The following NR2F1-AS1 variants were observed in gnomAD, a reference collection of about 807,000 sequenced individuals.
The protein encoded by NR2F1-AS1 is NR2F1 antisense RNA 1.
chr5:93,491,295 GTGT>G (rs1750843288), intron 4 of NR2F1-AS1, among the ~76,000 whole-genome samples: 1 of 150,694 alleles, frequency 6.6e-6, no homozygotes, highest in Admixed American at 6.6e-5. Context: ...AAGAGTGGTA[GTGT>G]TGGTGGTGGT....
intron 4 of NR2F1-AS1, chr5:93,543,592 G>C (rs2149907346): frequency 6.6e-6 from 1 of 152,248 alleles, no homozygotes; most frequent in South Asian, 2.1e-4. Context: ...GCATGAAATG[G>C]TGAGAAAATC....
At chr5:93,419,983 G>C (rs1159483061) in intron 4 of NR2F1-AS1, among the ~76,000 whole-genome samples, 1 of 152,104 alleles carries the variant, frequency 6.6e-6, no homozygotes, top group African/African-American at 2.4e-5. Context: ...GATCACTTGA[G>C]GTCATGAGTT....
chr5:93,582,950 G>A (rs1408636962), upstream of NR2F1-AS1, among the ~76,000 whole-genome samples: 1 of 143,182 alleles, frequency 7.0e-6, no homozygotes, highest in African/African-American at 2.4e-5. Flanking sequence ...TAGCTAAGCG[G>A]GGGGGGGAGA....
chr5:93,520,872 TA>T (rs1229923444), intron 4 of NR2F1-AS1, among the ~76,000 whole-genome samples: 1 of 152,108 alleles, frequency 6.6e-6, no homozygotes, highest in African/African-American at 2.4e-5. Flanking sequence ...AAATAAGAAT[TA>T]AAATTACAAA....
chr5:93,570,035 C>T (rs143288979), intron 1 of NR2F1-AS1: 1 of 152,154 alleles, frequency 6.6e-6, no homozygotes, highest in Non-Finnish European at 1.5e-5. Context: ...GGGCTGATGG[C>T]GCGGGACATA....
chr5:93,480,158 C>T (rs570062660), intron 4 of NR2F1-AS1, among the ~76,000 whole-genome samples: 1 of 151,988 alleles, frequency 6.6e-6, no homozygotes, highest in Non-Finnish European at 1.5e-5. Flanking sequence ...GCTACACATC[C>T]AGGAATCTCA....
intron 4 of NR2F1-AS1, among the ~76,000 whole-genome samples, chr5:93,546,698 T>C (rs1580321707): frequency 6.6e-6 from 1 of 152,332 alleles, no homozygotes; most frequent in Non-Finnish European, 1.5e-5. Context: ...GCCTAATATA[T>C]TCTTTGATGA....
At chr5:93,475,577 T>C (rs763770966) in intron 4 of NR2F1-AS1, among the ~76,000 whole-genome samples, 2 of 152,234 alleles carry the variant, frequency 1.3e-5, no homozygotes, top group South Asian at 2.1e-4. Flanking sequence ...TATAGTAGGA[T>C]GAACAAGTAT....
In NR2F1-AS1 at chr5:93,525,269, T is replaced by C. The variant is rs573435716; in HGVS notation, n.638+28492A>G. On this transcript the variant is annotated intron_variant and non_coding_transcript_variant, in intron 4 of 5. Coordinates refer to ENST00000660523, the Ensembl canonical transcript of NR2F1-AS1. ...AGATCAAAAAAGACAAAGAAGGGCA[T>C]TACATAATGGTAAAAGAGATCAATG... is the stretch of plus-strand genomic sequence containing the variant. 2.7e-3 allele frequency among the ~76,000 whole-genome samples: 413 copies of C among 152,232 alleles called. 1 individual carries two copies. The highest frequency in any genetic ancestry group is 8.9e-3 in the African/African-American group (371 of 41,530).
At chr5:93,536,851 G>T (rs190945062) in intron 4 of NR2F1-AS1, among the ~76,000 whole-genome samples, 160 of 152,280 alleles carry the variant, frequency 1.1e-3, no homozygotes, top group Non-Finnish European at 1.9e-3. Flanking sequence ...GGACCTGGTG[G>T]GAGATGATTG....
chr5:93,518,077 GT>G (rs1751433155), intron 4 of NR2F1-AS1, among the ~76,000 whole-genome samples: 1 of 152,086 alleles, frequency 6.6e-6, no homozygotes, highest in Non-Finnish European at 1.5e-5. Flanking sequence ...CTAGAGGCAT[GT>G]GCCACTGTGC....
At chr5:93,462,286 A>G (rs1426738863) in intron 4 of NR2F1-AS1, among the ~76,000 whole-genome samples, 5 of 152,046 alleles carry the variant, frequency 3.3e-5, no homozygotes, top group Admixed American at 2.0e-4. Context: ...ACGAGATCTG[A>G]TGGTTTTTAA....
At chr5:93,471,399 C>T (rs1750361392) in intron 4 of NR2F1-AS1, among the ~76,000 whole-genome samples, 1 of 151,736 alleles carries the variant, frequency 6.6e-6, no homozygotes, top group African/African-American at 2.4e-5. Flanking sequence ...GACGTGCATT[C>T]CAACATTATT....
chr5:93,442,319 G>A (rs1749590217), intron 4 of NR2F1-AS1, among the ~76,000 whole-genome samples: 2 of 152,162 alleles, frequency 1.3e-5, no homozygotes, highest in South Asian at 4.1e-4. Context: ...GACGGTACCT[G>A]GAAAATCGGG....
chr5:93,540,534 A>G (rs1205311032), intron 4 of NR2F1-AS1, among the ~76,000 whole-genome samples: 1 of 152,184 alleles, frequency 6.6e-6, no homozygotes, highest in Non-Finnish European at 1.5e-5. Context: ...CTTTTCTGAC[A>G]TTCCAGCACT....
intron 4 of NR2F1-AS1, among the ~76,000 whole-genome samples, chr5:93,462,412 T>C (rs1750116651): frequency 6.6e-6 from 1 of 152,206 alleles, no homozygotes; most frequent in Non-Finnish European, 1.5e-5. Context: ...TGTGAGTCCA[T>C]TAAACTTGTT....
At chr5:93,526,623 C>A (rs543672418) in intron 4 of NR2F1-AS1, among the ~76,000 whole-genome samples, 2 of 152,256 alleles carry the variant, frequency 1.3e-5, no homozygotes, top group African/African-American at 2.4e-5. Context: ...CCGAATCCAG[C>A]AGTACATCAA....
At chr5:93,534,388 A>C (rs1008390608) in intron 4 of NR2F1-AS1, among the ~76,000 whole-genome samples, 14 of 152,178 alleles carry the variant, frequency 9.2e-5, no homozygotes, top group Non-Finnish European at 1.9e-4. Context: ...GAGTCTTTTT[A>C]TTTCACACTC....
chr5:93,440,731 A>G (rs1440114607), intron 4 of NR2F1-AS1, among the ~76,000 whole-genome samples: 1 of 152,192 alleles, frequency 6.6e-6, no homozygotes, highest in Admixed American at 6.5e-5. Context: ...ACACACACTG[A>G]CATGCCATGT....
Sources: allele counts gnomAD v4.1 joint callset (sites outside exome capture counted in the v4.1 genomes callset), GRCh38; gene constraint gnomAD v4.1.1; transcripts MANE v1.5; gene names NCBI Gene and HGNC (gene_info 2026-07-23, HGNC 2026-07-21).